ZNF254: variants seen among roughly 807,000 people sequenced by gnomAD.
The protein encoded by ZNF254 is CTD-2017D11.1.
In ZNF254, 10 loss-of-function variants were observed where a neutral mutation model predicts 12.4. The ratio of observed to expected loss-of-function variants is 0.80; its 90% confidence interval spans 0.50 to 1.36. The LOEUF is 1.36. ZNF254 is among the 40% of genes most tolerant of loss of function. ZNF254 has a pLI of 0.00. For synonymous variants in ZNF254, 305 were observed against 253.4 expected, an observed-to-expected ratio of 1.20 and a Z score of -1.93; for missense variants, 996 against 763.9, an observed-to-expected ratio of 1.30 and a Z score of -3.58.
chr19:24,074,149 G>A (rs866456516), intron 2 of ZNF254, among the ~76,000 whole-genome samples: 7 of 152,230 alleles, frequency 4.6e-5, no homozygotes, highest in African/African-American at 1.7e-4. Context: ...TCCAGGTGAT[G>A]TAACTCTCTT....
intron 2 of ZNF254, among the ~76,000 whole-genome samples, chr19:24,068,330 T>G (rs1971355841): frequency 6.6e-6 from 1 of 151,754 alleles, no homozygotes; most frequent in South Asian, 2.1e-4. Context: ...AGGCAGAGTC[T>G]CACTCTGTTG....
chr19:24,060,207 C>CG, intron 2 of ZNF254, among the ~76,000 whole-genome samples: 1 of 152,300 alleles, frequency 6.6e-6, no homozygotes, highest in East Asian at 1.9e-4. Flanking sequence ...GATATTGTTA[C>CG]GTACCTTTGT....
intron 2 of ZNF254, chr19:24,049,070 C>A (rs1970520283): frequency 7.0e-6 from 1 of 143,598 alleles, no homozygotes; most frequent in African/African-American, 2.5e-5. Context: ...GTCTGTCTGT[C>A]TACCTACCTA....
At chr19:24,035,787 A>G (rs565175071) in intron 1 of ZNF254, among the ~76,000 whole-genome samples, 1 of 152,328 alleles carries the variant, frequency 6.6e-6, no homozygotes, top group African/African-American at 2.4e-5. Flanking sequence ...TAACTACTGA[A>G]GACGAATGTA....
At chr19:24,116,305 C>T (rs1974070405) in intron 3 of ZNF254, among the ~76,000 whole-genome samples, 1 of 152,102 alleles carries the variant, frequency 6.6e-6, no homozygotes, top group African/African-American at 2.4e-5. Context: ...CAACTTGGTT[C>T]CATTCTCTCC....
intron 2 of ZNF254, among the ~76,000 whole-genome samples, chr19:24,060,077 T>C (rs1371825991): frequency 1.3e-5 from 2 of 152,236 alleles, no homozygotes; most frequent in Non-Finnish European, 1.5e-5. Flanking sequence ...TGACATATCC[T>C]TGGGCTCAGC....
chr19:24,113,487 C>T (rs1973834002), intron 3 of ZNF254, among the ~76,000 whole-genome samples: 4 of 152,160 alleles, frequency 2.6e-5, no homozygotes. Flanking sequence ...TTCAATGACA[C>T]TTCATGCTAA....
intron 3 of ZNF254, among the ~76,000 whole-genome samples, chr19:24,118,038 G>A (rs10403647): frequency 0.14 from 21,627 of 151,132 alleles, 2,532 homozygotes; most frequent in African/African-American, 0.32. Context: ...GATGCACATG[G>A]GTTTCTTTTT....
intron 1 of ZNF254, among the ~76,000 whole-genome samples, chr19:24,093,777 GT>G (rs556066588): frequency 5.5e-4 from 83 of 151,832 alleles, no homozygotes; most frequent in African/African-American, 2.0e-3. Flanking sequence ...AGACTCTTTG[GT>G]TTTATATGAA....
rs1972100204 is a variant in ZNF254 at position 24,087,500 on chromosome 19, C to CCAGA, written c.30+165_30+168dup. ...AATAAGATGGCGGCTGCGCTGACAGCCAGACCCCCAGGAGTCCTGTTTCTT... is the reference window on the plus strand; with the variant it reads ...AATAAGATGGCGGCTGCGCTGACAGCCAGACAGACCCCCAGGAGTCCTGTTTCTT... On this transcript the variant is annotated intron_variant, in intron 1 of 3. Transcript: ENST00000357002. Among the ~76,000 whole-genome samples the CCAGA allele has an allele frequency of 9.2e-5, 14 of 152,310 alleles. No homozygotes were observed. The South Asian group carries it at 2.9e-3, about 32-fold the overall frequency.
chr19:24,034,058 AGCGATTCTCGT>A (rs1969865252), intron 1 of ZNF254, among the ~76,000 whole-genome samples: 1 of 152,102 alleles, frequency 6.6e-6, no homozygotes, highest in African/African-American at 2.4e-5. Flanking sequence ...CCTAGACTCA[AGCGATTCTCGT>A]GCCTCAGCCC....
At chr19:24,120,020 T>C (rs1390177935) in intron 3 of ZNF254, among the ~76,000 whole-genome samples, 1 of 152,116 alleles carries the variant, frequency 6.6e-6, no homozygotes, top group Non-Finnish European at 1.5e-5. Context: ...GATAAAGACA[T>C]ACCTGAGACT....
At chr19:24,090,837 A>T (rs967476649) in intron 1 of ZNF254, among the ~76,000 whole-genome samples, 1 of 152,070 alleles carries the variant, frequency 6.6e-6, no homozygotes, top group African/African-American at 2.4e-5. Flanking sequence ...CAAAAACATT[A>T]ATATCTAATA....
intron 2 of ZNF254, among the ~76,000 whole-genome samples, chr19:24,072,637 C>T (rs1971523266): frequency 6.6e-6 from 1 of 152,184 alleles, no homozygotes; most frequent in Admixed American, 6.5e-5. Context: ...CCATCTGCAC[C>T]ATGACCACAC....
rs1210302262 is a variant in ZNF254, at chr19:24,052,822, G to A, written c.-94+6543G>A. ...ACATATCTTATCCAAACTTATAGGG[G>A]CAATATGACTCTCATACCTCTAAAC... On this transcript the variant is annotated intron_variant, in intron 2 of 4. Coordinates refer to the ZNF254 transcript ENST00000613065. Among the ~76,000 whole-genome samples, 4 of 152,280 alleles carry A rather than the reference G, an allele frequency of 2.6e-5. 1 individual carries two copies. In the South Asian group the frequency reaches 8.3e-4, roughly 32 times the overall value.
intron 2 of ZNF254, among the ~76,000 whole-genome samples, chr19:24,051,949 T>G (rs1021238644): frequency 6.6e-6 from 1 of 152,138 alleles, no homozygotes; most frequent in Non-Finnish European, 1.5e-5. Flanking sequence ...TTTTGACATG[T>G]TTTTGGGCCC....
chr19:24,046,759 G>A (rs1970405544), intron 2 of ZNF254, among the ~76,000 whole-genome samples: 1 of 152,088 alleles, frequency 6.6e-6, no homozygotes, highest in African/African-American at 2.4e-5. Flanking sequence ...TTGCACAGCA[G>A]GTGGGCAAAC....
At chr19:24,059,940 A>G (rs907354376) in intron 2 of ZNF254, among the ~76,000 whole-genome samples, 4 of 152,022 alleles carry the variant, frequency 2.6e-5, no homozygotes, top group Non-Finnish European at 5.9e-5. Context: ...CTCTGGCCTC[A>G]TTACCTAGAA....
chr19:24,091,612 C>G (rs1972388650), intron 1 of ZNF254, among the ~76,000 whole-genome samples: 2 of 152,002 alleles, frequency 1.3e-5, no homozygotes. Context: ...CCTTCCTCAG[C>G]CTCCGGAGTA....
Sources: gnomAD v4.1 joint callset for allele counts (sites outside exome capture counted in the v4.1 genomes callset) on GRCh38, gnomAD v4.1.1 for gene constraint, MANE v1.5 for transcripts, NCBI Gene and HGNC (gene_info 2026-07-23, HGNC 2026-07-21) for gene names.